Variants in MICAL1 observed in about 807,000 individuals in gnomAD.
MICAL1 encodes the protein [F-actin]-monooxygenase MICAL1.
A neutral mutation model predicts 131.8 loss-of-function variants in MICAL1; 95 were observed. The ratio of observed to expected loss-of-function variants is 0.72; its 90% confidence interval spans 0.61 to 0.86. The LOEUF is 0.86. MICAL1 is among the 40% of genes least tolerant of loss of function. MICAL1 has a pLI of 0.00. For missense variants in MICAL1, 1,292 were observed against 1,380.6 expected (o/e 0.94, Z 1.02); for synonymous variants, 546 against 554.2 (o/e 0.99, Z 0.21).
At chr6:109,458,945 G>A (rs916586937), upstream of MICAL1, among the ~76,000 whole-genome samples, 1 of 152,208 alleles carries the variant, frequency 6.6e-6, no homozygotes, top group African/African-American at 2.4e-5. Context: ...GCCATGAGAG[G>A]ATGTGACAAC....
chr6:109,445,733 C>CA, intron 20 of MICAL1, 38 bp downstream of exon 20: 1 of 1,591,362 alleles, frequency 6.3e-7, no homozygotes, highest in Non-Finnish European at 8.6e-7. Flanking sequence ...CTGTAGTGGG[C>CA]TGGAGAGCGT....
intron 4 of MICAL1, 65 bp downstream of exon 4, chr6:109,453,198 T>C: frequency 7.4e-7 from 1 of 1,357,470 alleles, no homozygotes; most frequent in East Asian, 2.3e-5. Context: ...GCCCATCCTT[T>C]TTCAGACACT....
rs368042314 is a variant in MICAL1 at position 109,455,003 on chromosome 6, G to C, written c.-44+716C>G. The C allele has an allele frequency of 6.6e-6, 1 of 152,258 alleles. No individual in the cohort carries two copies. Among genetic ancestry groups the C allele is most frequent in the Admixed American group, 6.5e-5 (1 of 15,278 alleles). 9.4% of individuals were successfully genotyped at this position (152,258 alleles called of 1,614,324 possible). ...GTAGGGCTGGGGGTCGACCGCAGCC[G>C]GGTGCGCCCCTCCCAGGTTCCCCCC... On this transcript the variant is annotated intron_variant, in intron 1 of 24. Transcript: ENST00000358807. The surrounding 1 kb of genome is among the most constrained non-coding windows in gnomAD (Gnocchi z 4.7).
upstream of MICAL1, among the ~76,000 whole-genome samples, chr6:109,457,448 C>T (rs766358750): frequency 2.0e-5 from 3 of 152,140 alleles, no homozygotes; most frequent in African/African-American, 7.2e-5. Context: ...TTATACGAAG[C>T]TATGTCTTGT....
intron 6 of MICAL1, 166 bp downstream of exon 6, chr6:109,452,080 G>A (rs1775565330): frequency 7.0e-7 from 1 of 1,428,764 alleles, no homozygotes; most frequent in Admixed American, 2.9e-5. Flanking sequence ...CTAGGGCTGT[G>A]CTTGCTTAAT....
At chr6:109,446,481 G>A in intron 18 of MICAL1, 69 bp from the exon 19 acceptor site, 4 of 1,460,590 alleles carry the variant, frequency 2.7e-6, no homozygotes, top group Non-Finnish European at 3.8e-6. Flanking sequence ...GGTGAGCCTT[G>A]GCATTCATTC....
chr6:109,452,706 T>A, intron 4 of MICAL1, 91 bp from the exon 5 acceptor site: 1 of 897,612 alleles, frequency 1.1e-6, no homozygotes, highest in Non-Finnish European at 1.7e-6. Flanking sequence ...TCAAAACGTG[T>A]AAAGGACTCT....
At chr6:109,457,503 G>A (rs148137572), upstream of MICAL1, among the ~76,000 whole-genome samples, 67 of 151,776 alleles carry the variant, frequency 4.4e-4, no homozygotes, top group African/African-American at 1.6e-3. Context: ...ATAAAACCGA[G>A]GAATAAAGAG....
chr6:109,450,125 C>G, intron 8 of MICAL1, 40 bp from the exon 9 acceptor site: 2 of 1,597,298 alleles, frequency 1.3e-6, no homozygotes, highest in Non-Finnish European at 1.7e-6. Flanking sequence ...CAGGGAGAAT[C>G]CAACAGGTGC....
chr6:109,450,621 C>T, intron 7 of MICAL1, 64 bp from the exon 8 acceptor site: 1 of 1,518,928 alleles, frequency 6.6e-7, no homozygotes, highest in Non-Finnish European at 8.9e-7. Context: ...GCCAGTGCCA[C>T]CCCCTTGGGC....
chr6:109,445,080 C>T, intron 22 of MICAL1, 85 bp from the exon 23 acceptor site: 1 of 1,571,378 alleles, frequency 6.4e-7, no homozygotes, highest in Non-Finnish European at 8.7e-7. Context: ...GACAGGAGAG[C>T]CGGGTGTCAC....
rs2115326939 is a variant in MICAL1, at chr6:109,446,956, G to A, written c.2227+117C>T. ...GGGACAGAGAAGACCCTGAGCTCAGGAGAACGAAGTGCCATCTTGAGCCTG... is the reference window on the plus strand; with the variant it reads ...GGGACAGAGAAGACCCTGAGCTCAGAAGAACGAAGTGCCATCTTGAGCCTG... On this transcript the variant is annotated intron_variant, in intron 17 of 24. Transcript: ENST00000358807. 2.9e-6 allele frequency: 4 copies of A among 1,360,232 alleles called. No homozygotes were observed. The East Asian group carries it at 9.9e-5, about 34-fold the overall frequency. 84.3% of individuals were successfully genotyped at this position (1,360,232 alleles called of 1,614,324 possible). A position where few individuals can be genotyped will look rare whatever the true frequency, so the allele number is the denominator to read the frequency against.
intron 20 of MICAL1, 24 bp downstream of exon 20, chr6:109,445,747 G>A (rs1290464748): frequency 6.2e-7 from 1 of 1,601,292 alleles, no homozygotes; most frequent in Admixed American, 1.7e-5. Context: ...AGAGCGTTTT[G>A]TGGCTGCACG....
In MICAL1 at chr6:109,453,632, G is replaced by A; in HGVS notation, c.466+6C>T. On this transcript the variant is annotated splice_donor_region_variant and intron_variant, in intron 3 of 24. Coordinates refer to ENST00000358807, the MANE Select transcript of MICAL1 (RefSeq NM_022765.4). The stretch of plus-strand genomic sequence containing the variant: ...CCGCCCCTCCAGGCCACCACGTGGT[G>A]CTCACTGATGTGGTCCAGGGTGCCG... 1 of 1,589,960 alleles carries A rather than the reference G, an allele frequency of 6.3e-7. No individual in the cohort carries two copies. Among genetic ancestry groups the A allele is most frequent in the Non-Finnish European group, 8.6e-7 (1 of 1,168,458 alleles).
rs976521796 is a variant in MICAL1 at position 109,452,502 on chromosome 6, A to G, written c.676+9T>C. On this transcript the variant is annotated intron_variant, in intron 5 of 24. Transcript: ENST00000358807. Reference sequence around the variant, plus strand: ...GATGCTGGCTTCTTTGAGGGAAGTGATCACTCACCTTCAGGGACGAATTTA... The same window carrying G: ...GATGCTGGCTTCTTTGAGGGAAGTGGTCACTCACCTTCAGGGACGAATTTA... The G allele has an allele frequency of 6.2e-7, 1 of 1,613,480 alleles. No individual in the cohort carries two copies. The highest frequency in any genetic ancestry group is 1.1e-5 in the South Asian group (1 of 91,034).
rs756580728 is a variant in MICAL1, at chr6:109,444,814, A to G, written c.2982-16T>C. The G allele has an allele frequency of 3.7e-6, 6 of 1,614,078 alleles. No individual in the cohort carries two copies. The highest frequency in any genetic ancestry group is 1.7e-5 in the Admixed American group (1 of 60,016). On this transcript the variant is annotated splice_polypyrimidine_tract_variant and intron_variant, in intron 23 of 24. Coordinates refer to ENST00000358807, the MANE Select transcript of MICAL1 (RefSeq NM_022765.4). The stretch of plus-strand genomic sequence containing the variant: ...TTCCTGCACCCTGTGGAGGTCAGGG[A>G]TTGTAGAAGCAGAGCTGTCTAAGGT...
intron 1 of MICAL1, 126 bp from the exon 2 acceptor site, chr6:109,454,365 TC>T: frequency 1.1e-6 from 1 of 936,836 alleles, no homozygotes; most frequent in African/African-American, 1.7e-5. Flanking sequence ...GCTCTGCTCC[TC>T]CCAGCCCATT....
chr6:109,448,781 C>T lies in MICAL1; in HGVS notation c.1615G>A (p.Asp539Asn). The T allele has an allele frequency of 6.2e-7, 1 of 1,614,112 alleles. No homozygotes were observed. The highest frequency in any genetic ancestry group is 8.5e-7 in the Non-Finnish European group (1 of 1,180,002). ...ACCAGGGCACACAGAGCTAGCCCATCAGCCCAGGAGGAAGACAAATCGGAG... is the reference window on the plus strand; with the variant it reads ...ACCAGGGCACACAGAGCTAGCCCATTAGCCCAGGAGGAAGACAAATCGGAG... ...HVSDLSSSWA[D>N]GLALCALVYR... Residue 539 changes from aspartate to asparagine, a missense_variant, in exon 12 of 25, where the codon GAT (aspartate) becomes AAT (asparagine). By Grantham distance (23) the Asp-to-Asn change is conservative. Coordinates refer to ENST00000358807, the MANE Select transcript of MICAL1 (RefSeq NM_022765.4).
chr6:109,451,837 C>CGA (rs1483012882), intron 6 of MICAL1, 137 bp from the exon 7 acceptor site: 2 of 1,451,186 alleles, frequency 1.4e-6, no homozygotes, highest in African/African-American at 2.8e-5. Flanking sequence ...TAGAACCCCA[C>CGA]GAGTCCTGAT....
Sources: allele counts gnomAD v4.1 joint callset (sites outside exome capture counted in the v4.1 genomes callset), GRCh38; gene constraint gnomAD v4.1.1; non-coding constraint Gnocchi (gnomAD v3.1); transcripts MANE v1.5; gene names NCBI Gene and HGNC (gene_info 2026-07-23, HGNC 2026-07-21).